The following NCKAP5 variants were observed in gnomAD, a reference collection of about 807,000 sequenced individuals.
NCKAP5 encodes NCK associated protein 5, also known as nck-associated protein 5.
In NCKAP5, 92 loss-of-function variants were observed where a neutral mutation model predicts 167.0. That is an observed-to-expected ratio of 0.55 (90% CI 0.47 to 0.66). NCKAP5 has a LOEUF of 0.66. NCKAP5 is among the 30% of genes least tolerant of loss of function. The probability of loss-of-function intolerance (pLI) is 0.00; values close to 1 mark genes in which losing one functional copy is unlikely to be tolerated. For synonymous variants in NCKAP5, 891 were observed against 877.4 expected, an observed-to-expected ratio of 1.02 and a Z score of -0.27; for missense variants, 2,378 against 2,315.0, an observed-to-expected ratio of 1.03 and a Z score of -0.56.
At chr2:133,573,552 G>A in the NCKAP5 span, among the ~76,000 whole-genome samples, 4 of 152,168 alleles carry the variant, frequency 2.6e-5, no homozygotes, top group Non-Finnish European at 5.9e-5. Flanking sequence ...TTTCACCAGC[G>A]TAGGTTCTAG....
At chr2:132,702,034 G>T (rs1171650842) in intron 19 of NCKAP5, among the ~76,000 whole-genome samples, 2 of 152,150 alleles carry the variant, frequency 1.3e-5, no homozygotes, top group Non-Finnish European at 2.9e-5. Context: ...TTTGGCAAAT[G>T]GTCTCACATG....
chr2:133,261,308 T>C (rs1422141475), intron 4 of NCKAP5, among the ~76,000 whole-genome samples: 1 of 152,206 alleles, frequency 6.6e-6, no homozygotes, highest in Non-Finnish European at 1.5e-5. Flanking sequence ...GGTAGGCTTA[T>C]CTCATAGGAT....
chr2:132,759,872 G>A (rs13027786), intron 16 of NCKAP5, among the ~76,000 whole-genome samples: 41,154 of 151,208 alleles, frequency 0.27, 5,823 homozygotes, highest in African/African-American at 0.32. Flanking sequence ...CAGCTTTTCT[G>A]TATTTTTCTT....
intron 3 of NCKAP5, among the ~76,000 whole-genome samples, chr2:133,465,227 C>T (rs1455067854): frequency 7.1e-6 from 1 of 141,176 alleles, no homozygotes; most frequent in Non-Finnish European, 1.5e-5. Flanking sequence ...TCTCATTGTT[C>T]AATTCCCACC....
At chr2:132,926,378 G>T (rs1166863340) in intron 8 of NCKAP5, among the ~76,000 whole-genome samples, 2 of 152,116 alleles carry the variant, frequency 1.3e-5, no homozygotes, top group Non-Finnish European at 2.9e-5. Context: ...TTTCTTTAAG[G>T]TAGATACCCA....
At chr2:132,751,664 T>C (rs1680127096) in intron 16 of NCKAP5, among the ~76,000 whole-genome samples, 1 of 152,220 alleles carries the variant, frequency 6.6e-6, no homozygotes. Flanking sequence ...AGGGTTCCAT[T>C]GCTGGTCCCA....
intron 6 of NCKAP5, among the ~76,000 whole-genome samples, chr2:133,111,307 C>CA: frequency 6.6e-6 from 1 of 152,270 alleles, no homozygotes; most frequent in South Asian, 2.1e-4. Context: ...ATACCCATCT[C>CA]AAAAAGGACC....
At chr2:132,715,170 C>A (rs1380947761) in intron 19 of NCKAP5, among the ~76,000 whole-genome samples, 1 of 152,204 alleles carries the variant, frequency 6.6e-6, no homozygotes, top group Non-Finnish European at 1.5e-5. Flanking sequence ...CCCCCGATAC[C>A]TGAAAAGACT....
intron 7 of NCKAP5, among the ~76,000 whole-genome samples, chr2:132,976,891 T>C (rs557386426): frequency 6.6e-6 from 1 of 152,250 alleles, no homozygotes; most frequent in African/African-American, 2.4e-5. Flanking sequence ...CATTTTTGTG[T>C]GTGTGTGGCA....
intron 5 of NCKAP5, among the ~76,000 whole-genome samples, chr2:133,130,828 T>C (rs1436349302): frequency 7.2e-6 from 1 of 138,056 alleles, no homozygotes; most frequent in African/African-American, 3.3e-5. Flanking sequence ...CTAATGTCTT[T>C]GTTGTTTTGT....
At chr2:132,851,545 G>A (rs1005221700) in intron 11 of NCKAP5, among the ~76,000 whole-genome samples, 3 of 152,138 alleles carry the variant, frequency 2.0e-5, no homozygotes, top group Non-Finnish European at 2.9e-5. Context: ...TGGCCATCCC[G>A]GGCTGCACGG....
chr2:133,192,122 A>T (rs2085252629), intron 5 of NCKAP5, among the ~76,000 whole-genome samples: 2 of 152,062 alleles, frequency 1.3e-5, no homozygotes, highest in South Asian at 4.1e-4. Flanking sequence ...GACCCAATAA[A>T]GAAACCAGAA....
In NCKAP5 at chr2:132,711,819, C is replaced by T. The variant is rs543723081; in HGVS notation, c.5713+13808G>A. ...TCCTCCTTCCCTTCCTCCCTCCCTG[C>T]CTCCCTTCCTTCCTTCTCCATTGAG... On this transcript the variant is annotated intron_variant, in intron 19 of 19. Transcript: ENST00000409261. 7.6e-4 allele frequency among the ~76,000 whole-genome samples: 115 copies of T among 152,244 alleles called. 1 individual carries two copies. In the South Asian group the frequency reaches 0.023, roughly 31 times the overall value.
intron 6 of NCKAP5, among the ~76,000 whole-genome samples, chr2:133,072,260 AT>A (rs1433824210): frequency 1.3e-5 from 2 of 152,016 alleles, no homozygotes; most frequent in Non-Finnish European, 2.9e-5. Context: ...TAATTATTGT[AT>A]TTTTAGTAGA....
chr2:132,973,111 A>C (rs1480026718), intron 7 of NCKAP5, among the ~76,000 whole-genome samples: 1 of 152,184 alleles, frequency 6.6e-6, no homozygotes, highest in East Asian at 1.9e-4. Flanking sequence ...ACAAAGGCTT[A>C]ACCTCAACAC....
At chr2:132,909,992 T>C (rs1694317633) in intron 8 of NCKAP5, among the ~76,000 whole-genome samples, 1 of 152,220 alleles carries the variant, frequency 6.6e-6, no homozygotes, top group South Asian at 2.1e-4. Context: ...CAGGCAACAA[T>C]GCTTACAATT....
chr2:132,735,524 C>T (rs1056388865), intron 16 of NCKAP5, among the ~76,000 whole-genome samples: 1 of 152,166 alleles, frequency 6.6e-6, no homozygotes, highest in Non-Finnish European at 1.5e-5. Context: ...GCCTGCAGAA[C>T]CATGAACCAG....
intron 3 of NCKAP5, among the ~76,000 whole-genome samples, chr2:133,390,325 G>A (rs1253726342): frequency 6.6e-6 from 1 of 152,174 alleles, no homozygotes. Flanking sequence ...GTACCAGCCA[G>A]TGATGACTAG....
intron 16 of NCKAP5, among the ~76,000 whole-genome samples, chr2:132,761,957 C>T (rs1286562055): frequency 2.0e-5 from 3 of 152,164 alleles, no homozygotes; most frequent in African/African-American, 7.2e-5. Context: ...CCCTTGGACT[C>T]TGGTGCCTGA....
Sources: allele counts gnomAD v4.1 joint callset (sites outside exome capture counted in the v4.1 genomes callset), GRCh38; gene constraint gnomAD v4.1.1; transcripts MANE v1.5; gene names NCBI Gene and HGNC (gene_info 2026-07-23, HGNC 2026-07-21).